Variants in AMPD1 observed in about 807,000 individuals in gnomAD.
AMPD1 encodes the protein adenosine monophosphate deaminase 1.
AMPD1 carries 74 observed loss-of-function variants against 82.9 expected under a neutral mutation model. The observed-to-expected ratio is 0.89, with a 90% confidence interval of 0.74 to 1.08. The LOEUF (loss-of-function observed/expected upper bound fraction) is 1.08. Among genes scored for constraint, AMPD1 ranks in the 50% least tolerant of loss-of-function variants. The probability of loss-of-function intolerance (pLI) is 0.00; values close to 1 mark genes in which losing one functional copy is unlikely to be tolerated. For synonymous variants in AMPD1, 333 were observed against 320.5 expected (o/e 1.04, Z -0.42); for missense variants, 881 against 924.5 (o/e 0.95, Z 0.61).
intron 3 of AMPD1, among the ~76,000 whole-genome samples, chr1:114,687,919 C>T (rs1658367192): frequency 6.6e-6 from 1 of 152,088 alleles, no homozygotes; most frequent in South Asian, 2.1e-4. Flanking sequence ...TTTATATTAC[C>T]ATTGTGTGTA....
At chr1:114,682,397 T>C (rs1246542446) in intron 5 of AMPD1, among the ~76,000 whole-genome samples, 2 of 152,108 alleles carry the variant, frequency 1.3e-5, no homozygotes, top group East Asian at 3.9e-4. Context: ...TATTGAAGCG[T>C]AACTTAGGAG....
chr1:114,682,951 A>C (rs533386891), intron 5 of AMPD1, among the ~76,000 whole-genome samples: 5 of 152,368 alleles, frequency 3.3e-5, no homozygotes, highest in African/African-American at 1.2e-4. Flanking sequence ...TAAGACAATT[A>C]CAGGAAGATG....
At position 114,678,038 on chromosome 1, in the gene AMPD1, G is replaced by A. The variant is rs143583425; in HGVS notation, c.1096C>T (p.Arg366Cys). ...TVDSLDVHAG[R>C]QTFQRFDKFN... ...TTATCAAAACGCTGGAAGGTCTGGC[G>A]TCCCTGAATCAGGAAAAAAGAGCAG... The change falls in exon 9 of 16, where the codon CGC (arginine) becomes TGC (cysteine). Residue 366 changes from arginine (R) to cysteine (C), a missense_variant. Coordinates refer to ENST00000520113, the MANE Select transcript of AMPD1 (RefSeq NM_000036.3). 52 of 1,613,846 alleles carry A rather than the reference G, an allele frequency of 3.2e-5. No homozygotes were observed. The highest frequency in any genetic ancestry group is 2.8e-4 in the African/African-American group (21 of 74,962).
At chr1:114,678,158 A>G in intron 8 of AMPD1, 117 bp from the exon 9 acceptor site, 3 of 1,493,050 alleles carry the variant, frequency 2.0e-6, no homozygotes, top group Non-Finnish European at 2.8e-6. Flanking sequence ...TTGGGCTCCA[A>G]GAATGGAATT....
chr1:114,688,653 A>G lies in AMPD1; in HGVS notation c.123T>C (p.Phe41=), dbSNP rs778820041. 4 of 1,614,200 alleles carry G rather than the reference A, an allele frequency of 2.5e-6. No individual in the cohort carries two copies. In the South Asian group the frequency reaches 4.4e-5, roughly 18 times the overall value. The change falls in exon 3 of 16, where the codon TTT becomes TTC. Residue 41 remains phenylalanine, a synonymous_variant. Coordinates refer to ENST00000520113, the MANE Select transcript of AMPD1 (RefSeq NM_000036.3). Reference sequence around the variant, plus strand: ...AAATCGGACAGATCTCATCCACATCAAAGGGGGAAATCTCCTGACGACCTC... The same window carrying G: ...AAATCGGACAGATCTCATCCACATCGAAGGGGGAAATCTCCTGACGACCTC... ...DEGGRQEISP[F]DVDEICPISH... is the part of the protein sequence containing the mutation.
chr1:114,688,324 C>G (rs1237728069), intron 3 of AMPD1, among the ~76,000 whole-genome samples: 1 of 152,130 alleles, frequency 6.6e-6, no homozygotes, highest in Admixed American at 6.6e-5. Context: ...GACAGGGTTT[C>G]ACCGTGTTGA....
Position 114,677,472 on chromosome 1 carries a change from C to T in AMPD1, c.1267G>A (p.Glu423Lys). The change falls in exon 10 of 16, where the codon GAG becomes AAG. Residue 423 changes from glutamate to lysine, a missense_variant. Coordinates refer to ENST00000520113, the MANE Select transcript of AMPD1 (RefSeq NM_000036.3). ...CGGCCATAGATGGACAGGCGGGGCT[C>T]AGCATGCTGGTACTTGGCCTCCACC... ...DLVEAKYQHA[E>K]PRLSIYGRSP... is the part of the protein sequence containing the mutation. 2 of 1,613,378 alleles carry T rather than the reference C, an allele frequency of 1.2e-6. 1 individual carries two copies. The highest frequency in any genetic ancestry group is 2.2e-5 in the South Asian group (2 of 91,006).
At chr1:114,684,745 A>G (rs151214359) in intron 4 of AMPD1, among the ~76,000 whole-genome samples, 1 of 152,300 alleles carries the variant, frequency 6.6e-6, no homozygotes, top group African/African-American at 2.4e-5. Context: ...ACAAGACAAT[A>G]CCTCAACTGA....
At chr1:114,677,802 C>CTTCCTTCA in intron 9 of AMPD1, 108 bp downstream of exon 9, 1 of 276,102 alleles carries the variant, frequency 3.6e-6, no homozygotes, top group South Asian at 4.6e-5. Flanking sequence ...TCTCTCCCTC[C>CTTCCTTCA]TTCCTTCCTT....
intron 7 of AMPD1, 82 bp downstream of exon 7, chr1:114,679,497 A>G (rs1658089843): frequency 6.4e-7 from 1 of 1,558,202 alleles, no homozygotes; most frequent in African/African-American, 1.4e-5. Flanking sequence ...TTAATCAGAA[A>G]CACACTCTTT....
intron 5 of AMPD1, among the ~76,000 whole-genome samples, chr1:114,681,524 G>A (rs1658158072): frequency 8.7e-6 from 1 of 114,300 alleles, no homozygotes; most frequent in South Asian, 3.1e-4. Context: ...GAACCTAGGA[G>A]ATGGAGGTTG....
At chr1:114,674,196 G>GAAGAACAAGTGA in intron 13 of AMPD1, 114 bp from the exon 14 acceptor site, 1 of 938,468 alleles carries the variant, frequency 1.1e-6, no homozygotes, top group African/African-American at 1.7e-5. Flanking sequence ...ATTATCACTT[G>GAAGAACAAGTGA]TTCTTCAAGT....
chr1:114,678,144 G>A, intron 8 of AMPD1, 103 bp from the exon 9 acceptor site: 2 of 1,507,724 alleles, frequency 1.3e-6, no homozygotes, highest in African/African-American at 1.4e-5. Flanking sequence ...AGTGGGGGAG[G>A]GCATTGGGCT....
At chr1:114,679,557 C>T in intron 7 of AMPD1, 22 bp downstream of exon 7, 1 of 1,613,528 alleles carries the variant, frequency 6.2e-7, no homozygotes, top group Non-Finnish European at 8.5e-7. Context: ...AGGAATTACC[C>T]CTGAGCAACT....
At chr1:114,674,213 G>A (rs984566025) in intron 13 of AMPD1, 131 bp from the exon 14 acceptor site, 1 of 812,684 alleles carries the variant, frequency 1.2e-6, no homozygotes, top group African/African-American at 1.7e-5. Flanking sequence ...AAGTCTCTTA[G>A]TAAGGAGAAT....
chr1:114,673,422 T>TCA (rs1657889468), intron 15 of AMPD1, 150 bp from the exon 16 acceptor site: 1 of 1,025,630 alleles, frequency 9.8e-7, no homozygotes, highest in Non-Finnish European at 1.5e-6. Context: ...ATCTAGTGCC[T>TCA]CAGTGTTCAC....
chr1:114,674,794 G>T lies in AMPD1; in HGVS notation c.1758C>A (p.Phe586Leu). The T allele has an allele frequency of 1.2e-6, 2 of 1,613,712 alleles. No homozygotes were observed. The highest frequency in any genetic ancestry group is 1.7e-6 in the Non-Finnish European group (2 of 1,179,598). ...AGALTHLMTA[F>L]MIADDISHGL... ...CATGAGAGATATCATCTGCTATCAT[G>T]AATGCTGTCATGAGATGGGTGAGGG... The change falls in exon 13 of 16, where the codon TTC becomes TTA. Residue 586 changes from phenylalanine to leucine, a missense_variant. Transcript: ENST00000520113.
intron 5 of AMPD1, among the ~76,000 whole-genome samples, chr1:114,682,124 G>A (rs1658175962): frequency 6.6e-6 from 1 of 152,108 alleles, no homozygotes; most frequent in Non-Finnish European, 1.5e-5. Flanking sequence ...CAACAAGTAT[G>A]GTCATTTATG....
rs1658577615 is a variant in AMPD1 at position 114,693,368 on chromosome 1, TA to T, written c.34+67del. 2.0e-6 allele frequency: 3 copies of T among 1,471,442 alleles called. No individual in the cohort carries two copies. In the South Asian group the frequency reaches 3.4e-5, roughly 17 times the overall value. 91.1% of individuals were successfully genotyped at this position (1,471,442 alleles called of 1,614,324 possible). ...CTGAAAAATAGCCATGTTTCTGAAT[TA>T]AGGAATAGTATCATTTTTTTAAATT... On this transcript the variant is annotated intron_variant, in intron 2 of 15. Transcript: ENST00000520113.
Sources: gnomAD v4.1 joint callset for allele counts (sites outside exome capture counted in the v4.1 genomes callset) on GRCh38, gnomAD v4.1.1 for gene constraint, MANE v1.5 for transcripts, NCBI Gene and HGNC (gene_info 2026-07-23, HGNC 2026-07-21) for gene names.